CRADD: variants seen among roughly 807,000 people sequenced by gnomAD.
CRADD encodes the protein CARD and death domain containing adaptor protein.
A neutral mutation model predicts 15.5 loss-of-function variants in CRADD; 9 were observed. The ratio of observed to expected loss-of-function variants is 0.58; its 90% CI spans 0.35 to 1.01. CRADD has a LOEUF of 1.01. Ranked by LOEUF, CRADD falls within the 50% of genes least tolerant of loss-of-function variation. CRADD has a pLI of 0.02. For missense variants in CRADD, 227 were observed against 250.3 expected, an observed-to-expected ratio of 0.91 and a Z score of 0.63; for synonymous variants, 118 against 107.6, an observed-to-expected ratio of 1.10 and a Z score of -0.60.
At chr12:93,871,062 T>A (rs1036843794) in intron 2 of CRADD, among the ~76,000 whole-genome samples, 36 of 152,146 alleles carry the variant, frequency 2.4e-4, no homozygotes, top group African/African-American at 8.7e-4. Flanking sequence ...AAGTCAGAAA[T>A]TCAGAATTTT....
intron 2 of CRADD, among the ~76,000 whole-genome samples, chr12:93,803,444 G>A (rs143023287): frequency 2.1e-3 from 325 of 152,226 alleles, no homozygotes; most frequent in African/African-American, 7.3e-3. Context: ...AGTATTGTTT[G>A]TGAGCAAGAA....
rs559119270 is a variant in CRADD at position 93,770,348 on chromosome 12, C to T, written c.299-79622C>T. ...TCCTGACCTCGTGATCCGCCCGCCT[C>T]GGCCTCCCAAAGTGCTGGGATTACA... On this transcript the variant is annotated intron_variant, in intron 2 of 2. Transcript: ENST00000332896. 9.9e-5 allele frequency among the ~76,000 whole-genome samples: 15 copies of T among 152,132 alleles called. 1 individual carries two copies. The South Asian group carries it at 3.1e-3, about 32-fold the overall frequency.
intron 2 of CRADD, among the ~76,000 whole-genome samples, chr12:93,729,406 TA>T (rs1341804670): frequency 6.6e-6 from 1 of 152,198 alleles, no homozygotes; most frequent in Non-Finnish European, 1.5e-5. Context: ...AAGCACAAAA[TA>T]TATACTTAAT....
At chr12:93,852,250 A>G (rs542038052), downstream of CRADD, among the ~76,000 whole-genome samples, 12 of 152,338 alleles carry the variant, frequency 7.9e-5, no homozygotes, top group Middle Eastern at 3.4e-3. Context: ...AGTCACATTC[A>G]TGGATGAGTG....
intron 2 of CRADD, among the ~76,000 whole-genome samples, chr12:93,776,489 C>T (rs1957141718): frequency 6.6e-6 from 1 of 152,166 alleles, no homozygotes; most frequent in Non-Finnish European, 1.5e-5. Flanking sequence ...ATGTGAATGC[C>T]TGTTTCCTAA....
chr12:93,851,952 A>G (rs75519254), downstream of CRADD, among the ~76,000 whole-genome samples: 4,076 of 152,292 alleles, frequency 0.027, 174 homozygotes, highest in African/African-American at 0.091. Flanking sequence ...TCCTGTTACT[A>G]AAAAAGAGCT....
rs572896466 is a variant in CRADD, at chr12:93,687,097, C to T, written c.298+8025C>T. ...TTTCTTCCTACCTCTGCAAGGCTGA[C>T]ATAAAGGAAAAGCGGAAGACTTTCA... On this transcript the variant is annotated intron_variant, in intron 2 of 2. Coordinates refer to ENST00000332896, the MANE Select transcript of CRADD (RefSeq NM_003805.5). 2.0e-5 allele frequency among the ~76,000 whole-genome samples: 3 copies of T among 152,200 alleles called. No individual in the cohort carries two copies. The South Asian group carries it at 6.2e-4, about 32-fold the overall frequency.
intron 2 of CRADD, among the ~76,000 whole-genome samples, chr12:93,690,654 C>G (rs1201491903): frequency 6.6e-6 from 1 of 152,220 alleles, no homozygotes; most frequent in Non-Finnish European, 1.5e-5. Context: ...ATTTGCATTT[C>G]ACAGATGAGG....
At chr12:93,716,609 A>T (rs1440323604) in intron 2 of CRADD, among the ~76,000 whole-genome samples, 1 of 152,142 alleles carries the variant, frequency 6.6e-6, no homozygotes, top group Non-Finnish European at 1.5e-5. Flanking sequence ...CTAGACTACT[A>T]TATCGTTGGA....
chr12:93,718,691 C>G (rs1956205988), intron 2 of CRADD, among the ~76,000 whole-genome samples: 1 of 151,532 alleles, frequency 6.6e-6, no homozygotes, highest in South Asian at 2.1e-4. Flanking sequence ...CCAATTTGAT[C>G]TTGAAAAGCA....
intron 2 of CRADD, among the ~76,000 whole-genome samples, chr12:93,760,137 T>A (rs1956935258): frequency 1.3e-5 from 2 of 151,798 alleles, no homozygotes; most frequent in African/African-American, 2.4e-5. Context: ...AGGAAGAAAG[T>A]AAAGAGGATA....
intron 2 of CRADD, among the ~76,000 whole-genome samples, chr12:93,702,543 G>C (rs1277336415): frequency 2.0e-5 from 3 of 151,414 alleles, no homozygotes; most frequent in African/African-American, 7.3e-5. Context: ...GCTTTGGGAG[G>C]AACTGAGAAT....
intron 2 of CRADD, among the ~76,000 whole-genome samples, chr12:93,833,293 A>G (rs1261368503): frequency 1.3e-5 from 2 of 152,184 alleles, no homozygotes; most frequent in African/African-American, 4.8e-5. Flanking sequence ...GGAGAGATAG[A>G]TATGCTTTCA....
chr12:93,848,141 C>T (rs1958154914), intron 2 of CRADD, among the ~76,000 whole-genome samples: 1 of 151,112 alleles, frequency 6.6e-6, no homozygotes, highest in Non-Finnish European at 1.5e-5. Context: ...GCGCTGTTTT[C>T]TGTTGCTTTA....
At chr12:93,732,281 G>T (rs968529511) in intron 2 of CRADD, among the ~76,000 whole-genome samples, 1 of 128,254 alleles carries the variant, frequency 7.8e-6, no homozygotes, top group African/African-American at 2.5e-5. Context: ...ACTTTAGTGT[G>T]CATTTTCAGT....
chr12:93,833,852 G>A (rs1957941104), intron 2 of CRADD, among the ~76,000 whole-genome samples: 1 of 151,776 alleles, frequency 6.6e-6, no homozygotes, highest in Non-Finnish European at 1.5e-5. Context: ...TTTTGTGGTA[G>A]GCACTGTTGC....
At chr12:93,779,562 T>C (rs1957177604) in intron 2 of CRADD, among the ~76,000 whole-genome samples, 2 of 151,536 alleles carry the variant, frequency 1.3e-5, no homozygotes, top group South Asian at 4.2e-4. Context: ...CAAAATCATC[T>C]TTTGAGGGAA....
chr12:93,749,598 T>G (rs1486243836), intron 2 of CRADD, among the ~76,000 whole-genome samples: 1 of 151,390 alleles, frequency 6.6e-6, no homozygotes, highest in African/African-American at 2.4e-5. Context: ...TCCTCTTTAT[T>G]TTTTAGGTTT....
intron 2 of CRADD, among the ~76,000 whole-genome samples, chr12:93,779,497 C>CA (rs970196142): frequency 1.4e-5 from 2 of 142,780 alleles, no homozygotes; most frequent in African/African-American, 2.6e-5. Flanking sequence ...GAAAAGAGTA[C>CA]AAAAAAATAA....
Sources: gnomAD v4.1 joint callset for allele counts (sites outside exome capture counted in the v4.1 genomes callset) on GRCh38, gnomAD v4.1.1 for gene constraint, MANE v1.5 for transcripts, NCBI Gene and HGNC (gene_info 2026-07-23, HGNC 2026-07-21) for gene names.